Variants in FGGY observed in about 807,000 individuals in gnomAD.
The protein encoded by FGGY is FGGY carbohydrate kinase domain-containing protein.
FGGY carries 72 observed loss-of-function variants against 71.3 expected under a neutral mutation model. That is an observed-to-expected ratio of 1.01 (90% CI 0.84 to 1.23). The LOEUF (loss-of-function observed/expected upper bound fraction) is 1.23. FGGY is among the 50% of genes most tolerant of loss of function. The pLI is 0.00. For missense variants in FGGY, 668 were observed against 682.3 expected, an observed-to-expected ratio of 0.98 and a Z score of 0.23; for synonymous variants, 251 against 250.3, an observed-to-expected ratio of 1.00 and a Z score of -0.02.
At chr1:59,688,475 G>T (rs1315389512) in intron 14 of FGGY, among the ~76,000 whole-genome samples, 3 of 152,120 alleles carry the variant, frequency 2.0e-5, no homozygotes, top group Non-Finnish European at 4.4e-5. Context: ...AATTCATATT[G>T]CCCTGGTCTT....
chr1:59,633,535 T>C (rs1043650356), intron 10 of FGGY, among the ~76,000 whole-genome samples: 7 of 152,190 alleles, frequency 4.6e-5, no homozygotes, highest in Non-Finnish European at 8.8e-5. Flanking sequence ...CCCCATCTTC[T>C]GTATATTCCA....
At chr1:59,740,216 C>A (rs2098136625) in intron 14 of FGGY, among the ~76,000 whole-genome samples, 1 of 152,226 alleles carries the variant, frequency 6.6e-6, no homozygotes, top group South Asian at 2.1e-4. Context: ...GAGTGTCAAT[C>A]TCTTTCCTAA....
At chr1:59,435,064 A>G (rs2068144527) in intron 5 of FGGY, among the ~76,000 whole-genome samples, 1 of 152,204 alleles carries the variant, frequency 6.6e-6, no homozygotes, top group Admixed American at 6.5e-5. Context: ...AGTGATAGAC[A>G]GGAAATTAGT....
chr1:59,455,089 C>T (rs933432100), intron 5 of FGGY, among the ~76,000 whole-genome samples: 4 of 152,086 alleles, frequency 2.6e-5, no homozygotes, highest in Non-Finnish European at 2.9e-5. Flanking sequence ...TTGTCATAAT[C>T]CTGAATGTGA....
intron 8 of FGGY, among the ~76,000 whole-genome samples, chr1:59,598,060 C>A (rs1284520393): frequency 6.6e-6 from 1 of 152,210 alleles, no homozygotes; most frequent in Non-Finnish European, 1.5e-5. Flanking sequence ...CTCTGCCCCA[C>A]CCACTCCTCC....
chr1:59,521,432 C>T lies in FGGY; in HGVS notation c.799+8993C>T, dbSNP rs191690616. ...AGACTTTGACTCTGTGGAAGAAAAC[C>T]GAGAGAATCCAGGGCCTGGTGCTAT... On this transcript the variant is annotated intron_variant, in intron 7 of 15. Coordinates refer to ENST00000303721, the MANE Select transcript of FGGY (RefSeq NM_018291.5). 2.5e-3 allele frequency among the ~76,000 whole-genome samples: 385 copies of T among 152,240 alleles called. 1 individual carries two copies. Among genetic ancestry groups the T allele is most frequent in the Middle Eastern group, 0.024 (7 of 294 alleles).
chr1:59,753,464 TTAAATATATATATATATATATATA>T (rs1456477962), intron 14 of FGGY, among the ~76,000 whole-genome samples: 1 of 54,088 alleles, frequency 1.8e-5, no homozygotes, highest in Non-Finnish European at 3.7e-5. Flanking sequence ...AAGCATAACT[TTAAATATATATATATATATATATA>T]TATATATATA....
rs1016194730 is a variant in FGGY at position 59,321,235 on chromosome 1, C to A, written c.-14-301C>A. 5.3e-5 allele frequency among the ~76,000 whole-genome samples: 8 copies of A among 152,270 alleles called. No individual in the cohort carries two copies. In the East Asian group the frequency reaches 9.6e-4, roughly 18 times the overall value. On this transcript the variant is annotated intron_variant, in intron 1 of 15. Coordinates refer to ENST00000303721, the MANE Select transcript of FGGY (RefSeq NM_018291.5). Reference sequence around the variant, plus strand: ...TCCAGATTCTAAGTTCTCCTACCACCCTGTACTTGCCCTTACAGCACTCAT... The same window carrying A: ...TCCAGATTCTAAGTTCTCCTACCACACTGTACTTGCCCTTACAGCACTCAT...
chr1:59,411,626 G>A (rs549522008), intron 5 of FGGY, among the ~76,000 whole-genome samples: 1 of 152,274 alleles, frequency 6.6e-6, no homozygotes, highest in South Asian at 2.1e-4. Context: ...TAACTGGAAT[G>A]CTTTGTAGGT....
intron 8 of FGGY, among the ~76,000 whole-genome samples, chr1:59,564,697 G>T (rs552198994): frequency 3.8e-4 from 58 of 152,290 alleles, no homozygotes; most frequent in African/African-American, 1.4e-3. Flanking sequence ...GTCAAATGAT[G>T]CAACGACTTT....
At chr1:59,365,980 G>A (rs1343778708) in intron 4 of FGGY, among the ~76,000 whole-genome samples, 1 of 152,156 alleles carries the variant, frequency 6.6e-6, no homozygotes, top group African/African-American at 2.4e-5. Flanking sequence ...AATCAGGTAT[G>A]CCAGACTCCA....
intron 6 of FGGY, among the ~76,000 whole-genome samples, chr1:59,467,815 G>A (rs544385280): frequency 2.0e-5 from 3 of 152,068 alleles, no homozygotes; most frequent in Non-Finnish European, 4.4e-5. Context: ...TTCATTGAAT[G>A]AGTTAATATA....
chr1:59,322,669 T>C (rs1180389854), intron 2 of FGGY, among the ~76,000 whole-genome samples: 1 of 152,224 alleles, frequency 6.6e-6, no homozygotes, highest in Non-Finnish European at 1.5e-5. Context: ...GTCTCCCATA[T>C]ATGCCAGGCA....
intron 2 of FGGY, among the ~76,000 whole-genome samples, chr1:59,337,056 T>C (rs1174827279): frequency 6.7e-6 from 1 of 148,520 alleles, no homozygotes; most frequent in Non-Finnish European, 1.5e-5. Context: ...GTCATATATA[T>C]ATATATATAT....
At chr1:59,627,683 A>G (rs149648706) in intron 10 of FGGY, among the ~76,000 whole-genome samples, 1 of 151,914 alleles carries the variant, frequency 6.6e-6, no homozygotes, top group East Asian at 1.9e-4. Flanking sequence ...CATTTCTCCA[A>G]TAAAAGTAAT....
At chr1:59,303,469 A>G (rs1323565329) in intron 1 of FGGY, among the ~76,000 whole-genome samples, 1 of 152,180 alleles carries the variant, frequency 6.6e-6, no homozygotes, top group South Asian at 2.1e-4. Flanking sequence ...CATTGTGTAT[A>G]TATGTATGAC....
intron 9 of FGGY, among the ~76,000 whole-genome samples, chr1:59,625,051 A>G (rs2153837189): frequency 6.6e-6 from 1 of 152,276 alleles, no homozygotes; most frequent in East Asian, 1.9e-4. Context: ...CCTAGCTCTC[A>G]GGAAACATGC....
chr1:59,614,593 C>G (rs2096729507), intron 9 of FGGY, among the ~76,000 whole-genome samples: 1 of 152,128 alleles, frequency 6.6e-6, no homozygotes, highest in Non-Finnish European at 1.5e-5. Context: ...TGTCACAAGA[C>G]AGGGATGCCC....
At chr1:59,346,797 A>AT (rs796934275) in intron 4 of FGGY, among the ~76,000 whole-genome samples, 155 of 151,114 alleles carry the variant, frequency 1.0e-3, no homozygotes, top group Middle Eastern at 3.4e-3. Context: ...CTCCAAAATC[A>AT]TTTTTTTTTA....
Sources: allele counts gnomAD v4.1 joint callset (sites outside exome capture counted in the v4.1 genomes callset), GRCh38; gene constraint gnomAD v4.1.1; transcripts MANE v1.5; gene names NCBI Gene and HGNC (gene_info 2026-07-23, HGNC 2026-07-21).